Variants in CCDC141 observed in about 807,000 individuals in gnomAD.
The protein encoded by CCDC141 is coiled-coil domain-containing protein 141.
CCDC141 carries 168 observed loss-of-function variants against 181.0 expected under a neutral mutation model. The observed-to-expected ratio is 0.93, with a 90% CI of 0.82 to 1.05. The LOEUF is 1.05. CCDC141 is among the 50% of genes least tolerant of loss of function. CCDC141 has a pLI of 0.00. For missense variants in CCDC141, 1,902 were observed against 1,788.5 expected (o/e 1.06, Z -1.14); for synonymous variants, 666 against 642.3 (o/e 1.04, Z -0.56).
At chr2:179,005,479 A>G (rs13025070) in intron 2 of CCDC141, among the ~76,000 whole-genome samples, 70,586 of 152,072 alleles carry the variant, frequency 0.46, 18,645 homozygotes, top group East Asian at 0.64. Flanking sequence ...CATCTATTAA[A>G]AAACAATAAA....
rs771208526 is a variant in CCDC141 at position 178,837,151 on chromosome 2, A to G, written c.4068T>C (p.Thr1356=). 152 of 1,613,798 alleles carry G rather than the reference A, an allele frequency of 9.4e-5. No individual in the cohort carries two copies. Among genetic ancestry groups the G allele is most frequent in the Non-Finnish European group, 1.2e-4 (137 of 1,179,960 alleles). The change falls in exon 23 of 24, where the codon ACT becomes ACC. Residue 1356 remains threonine (T), a synonymous_variant. Coordinates refer to ENST00000443758, the MANE Select transcript of CCDC141 (RefSeq NM_173648.4). ...REKMHADNNF[T]KTQDRLHASS... ...AAGCATGCAGCCTATCTTGGGTTTT[A>G]GTGAAGTTATTATCAGCATGCATTT...
At chr2:178,857,062 T>G (rs1034853165) in intron 17 of CCDC141, among the ~76,000 whole-genome samples, 21 of 152,346 alleles carry the variant, frequency 1.4e-4, no homozygotes, top group African/African-American at 4.3e-4. Flanking sequence ...TTCTCACATA[T>G]CATACATAAA....
intron 7 of CCDC141, among the ~76,000 whole-genome samples, chr2:178,910,155 T>C (rs1421560158): frequency 1.3e-5 from 2 of 152,188 alleles, no homozygotes; most frequent in South Asian, 2.1e-4. Context: ...CCAAATCAAA[T>C]AGAGATAGTA....
chr2:178,982,349 A>G (rs1436564314), intron 2 of CCDC141, among the ~76,000 whole-genome samples: 1 of 152,224 alleles, frequency 6.6e-6, no homozygotes, highest in Non-Finnish European at 1.5e-5. Context: ...AATTCCACTT[A>G]TAAGAGCATC....
At chr2:178,841,288 A>T (rs1341728732) in intron 22 of CCDC141, among the ~76,000 whole-genome samples, 1 of 152,214 alleles carries the variant, frequency 6.6e-6, no homozygotes, top group Non-Finnish European at 1.5e-5. Flanking sequence ...TTCAGTACAC[A>T]TTTCTCCACT....
In CCDC141 at chr2:178,865,807, C is replaced by T. The variant is rs769888703; in HGVS notation, c.2684G>A (p.Arg895His). The stretch of plus-strand genomic sequence containing the variant: ...TCTCATGGCGCAGTACTCCACACTA[C>T]GGGACAGGGTCCGTCCATACTCCTC... ...KAEEYGRTLS[R>H]SVEYCAMRDE... is the part of the protein sequence containing the mutation. The change falls in exon 17 of 24, where the codon CGT becomes CAT. Residue 895 changes from arginine (R) to histidine (H), a missense_variant. Physicochemically the swap from Arg to His is conservative, Grantham distance 29. Coordinates refer to ENST00000443758, the MANE Select transcript of CCDC141 (RefSeq NM_173648.4). 3.1e-5 allele frequency: 49 copies of T among 1,601,192 alleles called. No individual in the cohort carries two copies. Among genetic ancestry groups the T allele is most frequent in the African/African-American group, 8.1e-5 (6 of 74,316 alleles).
In CCDC141 at chr2:178,837,271, A is replaced by C. The variant is rs143659554; in HGVS notation, c.3948T>G (p.Ser1316Arg). ...VEKSTALHRI[S>R]AEHPESMMSE... ...TCATCATGCTCTCTGGATGTTCAGC[A>C]CTGATTCTGTGTAAGGCAGTACTCT... is the stretch of plus-strand genomic sequence containing the variant. The change falls in exon 23 of 24, where the codon AGT becomes AGG. Residue 1316 changes from serine to arginine, a missense_variant. Coordinates refer to ENST00000443758, the MANE Select transcript of CCDC141 (RefSeq NM_173648.4). 2.7e-4 allele frequency: 428 copies of C among 1,614,092 alleles called. 2 individuals are homozygous for C. Among genetic ancestry groups the C allele is most frequent in the Non-Finnish European group, 3.3e-4 (384 of 1,180,004 alleles).
At chr2:178,963,415 T>G (rs898643837) in intron 4 of CCDC141, among the ~76,000 whole-genome samples, 7 of 151,986 alleles carry the variant, frequency 4.6e-5, no homozygotes, top group Non-Finnish European at 1.0e-4. Flanking sequence ...AATATACTGT[T>G]TTTTTTTGTT....
chr2:179,038,305 C>A (rs1296232722), intron 2 of CCDC141, among the ~76,000 whole-genome samples: 2 of 152,052 alleles, frequency 1.3e-5, no homozygotes, highest in African/African-American at 4.8e-5. Context: ...TATGGGGTAC[C>A]TAGAATAGAC....
At chr2:179,043,869 G>A (rs955339005) in intron 2 of CCDC141, among the ~76,000 whole-genome samples, 15 of 152,186 alleles carry the variant, frequency 9.9e-5, no homozygotes, top group African/African-American at 2.9e-4. Context: ...TATCTTTGCA[G>A]ATGACATGAT....
At chr2:178,959,214 G>A (rs1690290827) in intron 5 of CCDC141, among the ~76,000 whole-genome samples, 1 of 151,764 alleles carries the variant, frequency 6.6e-6, no homozygotes. Flanking sequence ...AATGGGTGCA[G>A]CACACCAACA....
At chr2:178,905,846 CA>C (rs1449597624) in intron 7 of CCDC141, among the ~76,000 whole-genome samples, 1 of 152,120 alleles carries the variant, frequency 6.6e-6, no homozygotes, top group Non-Finnish European at 1.5e-5. Context: ...ACACTGTAAA[CA>C]AATAATAGAT....
At chr2:178,959,317 TAAAAC>T (rs1293308108) in intron 5 of CCDC141, among the ~76,000 whole-genome samples, 1 of 148,420 alleles carries the variant, frequency 6.7e-6, no homozygotes, top group Non-Finnish European at 1.5e-5. Flanking sequence ...AAATAAAAAA[TAAAAC>T]ACTACAGAAA....
At chr2:178,987,444 C>A (rs1691808485) in intron 2 of CCDC141, among the ~76,000 whole-genome samples, 1 of 152,020 alleles carries the variant, frequency 6.6e-6, no homozygotes, top group African/African-American at 2.4e-5. Context: ...AAAGCAATGG[C>A]AACAAAAGCC....
intron 5 of CCDC141, among the ~76,000 whole-genome samples, chr2:178,950,332 G>C (rs1689901001): frequency 1.3e-5 from 2 of 151,820 alleles, no homozygotes; most frequent in African/African-American, 4.8e-5. Context: ...TAGGGCTTTG[G>C]GTTTTTTTTT....
At chr2:178,922,541 C>T (rs1439894179) in intron 6 of CCDC141, among the ~76,000 whole-genome samples, 2 of 152,126 alleles carry the variant, frequency 1.3e-5, no homozygotes, top group East Asian at 1.9e-4. Flanking sequence ...TTGTATGACC[C>T]TGGGATTCTC....
chr2:179,006,802 T>C (rs765852810), intron 2 of CCDC141, among the ~76,000 whole-genome samples: 3 of 152,244 alleles, frequency 2.0e-5, no homozygotes, highest in African/African-American at 4.8e-5. Flanking sequence ...CATTAAAGAC[T>C]GATTTTTCTT....
chr2:179,003,900 T>C (rs2154383690), intron 2 of CCDC141, among the ~76,000 whole-genome samples: 1 of 152,340 alleles, frequency 6.6e-6, no homozygotes, highest in Non-Finnish European at 1.5e-5. Flanking sequence ...ATCATTCATT[T>C]TGTTCTTAAA....
chr2:178,972,221 G>A (rs758955225), intron 4 of CCDC141, among the ~76,000 whole-genome samples: 1 of 152,146 alleles, frequency 6.6e-6, no homozygotes, highest in Non-Finnish European at 1.5e-5. Flanking sequence ...ACTGGAGGGT[G>A]CAGTTGTCAT....
Sources: gnomAD v4.1 joint callset for allele counts (sites outside exome capture counted in the v4.1 genomes callset) on GRCh38, gnomAD v4.1.1 for gene constraint, MANE v1.5 for transcripts, NCBI Gene and HGNC (gene_info 2026-07-23, HGNC 2026-07-21) for gene names.